Variants in PTPRN2 observed in about 807,000 individuals in gnomAD.
PTPRN2 encodes the protein receptor-type tyrosine-protein phosphatase N2.
In PTPRN2, 74 loss-of-function variants were observed where a neutral mutation model predicts 118.8. The observed-to-expected ratio is 0.62, with a 90% CI of 0.52 to 0.76. The LOEUF (loss-of-function observed/expected upper bound fraction) is 0.76. PTPRN2 is among the 30% of genes least tolerant of loss of function. The pLI is 0.00. For missense variants in PTPRN2, 1,481 were observed against 1,394.4 expected (o/e 1.06, Z -0.99); for synonymous variants, 641 against 608.0 (o/e 1.05, Z -0.80).
intron 12 of PTPRN2, among the ~76,000 whole-genome samples, chr7:157,848,823 G>T (rs532128981): frequency 5.9e-5 from 9 of 152,252 alleles, no homozygotes; most frequent in African/African-American, 2.2e-4. Context: ...CGGCTATAGT[G>T]GTGCAGCCAG....
At chr7:158,535,984 G>A (rs1288563058) in intron 1 of PTPRN2, among the ~76,000 whole-genome samples, 2 of 149,066 alleles carry the variant, frequency 1.3e-5, no homozygotes, top group South Asian at 4.4e-4. Context: ...CATCCAAAAG[G>A]TTGGGACCTT....
chr7:157,752,020 A>T (rs1349798930), intron 12 of PTPRN2, among the ~76,000 whole-genome samples: 1 of 152,102 alleles, frequency 6.6e-6, no homozygotes, highest in African/African-American at 2.4e-5. Context: ...TTGACCCCTG[A>T]GGGTAGATAT....
chr7:158,245,839 C>T (rs140104562), intron 3 of PTPRN2, among the ~76,000 whole-genome samples: 72 of 152,212 alleles, frequency 4.7e-4, no homozygotes, highest in Admixed American at 1.3e-3. Context: ...CCGCCAACCC[C>T]GGTGCCATGG....
intron 15 of PTPRN2, among the ~76,000 whole-genome samples, chr7:157,604,570 G>A (rs1585095752): frequency 1.3e-5 from 2 of 152,136 alleles, no homozygotes; most frequent in South Asian, 2.1e-4. Context: ...AAATATGAAC[G>A]TTAAGCAATC....
rs553034422 is a variant in PTPRN2, at chr7:157,918,680, T to C, written c.1724-19943A>G. On this transcript the variant is annotated intron_variant, in intron 11 of 22. Coordinates refer to ENST00000389418, the MANE Select transcript of PTPRN2 (RefSeq NM_002847.5). ...ACACCAAGAAAATGTGCAATTTGTT[T>C]AAAAGTTATTGATTAAAGTGGAATA... Among the ~76,000 whole-genome samples, 3 of 152,296 alleles carry C rather than the reference T, an allele frequency of 2.0e-5. No homozygotes were observed. In the South Asian group the frequency reaches 6.2e-4, roughly 32 times the overall value.
intron 12 of PTPRN2, among the ~76,000 whole-genome samples, chr7:157,867,939 G>C (rs1248398033): frequency 2.0e-5 from 3 of 152,182 alleles, no homozygotes; most frequent in Non-Finnish European, 2.9e-5. Context: ...CACAAGAGCA[G>C]GACTGGGGGC....
At chr7:158,493,092 C>G (rs1821579784) in intron 1 of PTPRN2, among the ~76,000 whole-genome samples, 1 of 152,204 alleles carries the variant, frequency 6.6e-6, no homozygotes. Context: ...TGTGACATTC[C>G]CCAAATTCTC....
chr7:158,171,250 C>CACACATATATAT (rs1323103420), intron 5 of PTPRN2, among the ~76,000 whole-genome samples: 2,970 of 46,474 alleles, frequency 0.064, 416 homozygotes, highest in Non-Finnish European at 0.081. Context: ...CACATATATA[C>CACACATATATAT]ACACATATAT....
intron 1 of PTPRN2, chr7:158,539,764 C>T (rs892280953): frequency 7.1e-5 from 18 of 252,670 alleles, no homozygotes; most frequent in East Asian, 3.1e-4. Flanking sequence ...TGGAACCGGA[C>T]GGTGCACTGT....
intron 3 of PTPRN2, among the ~76,000 whole-genome samples, chr7:158,305,115 G>T (rs993751926): frequency 6.6e-6 from 1 of 152,172 alleles, no homozygotes; most frequent in African/African-American, 2.4e-5. Flanking sequence ...AGGGAGGAGG[G>T]TAGGATAAGG....
At chr7:158,523,688 TGCCCTGG>T in intron 1 of PTPRN2, among the ~76,000 whole-genome samples, 1 of 143,346 alleles carries the variant, frequency 7.0e-6, no homozygotes, top group African/African-American at 2.6e-5. Context: ...CGGAGTCGTC[TGCCCTGG>T]AGTGGAGTCG....
At chr7:157,805,289 C>CTGTGTGTGTGTGTGTGTG (rs57161533) in intron 12 of PTPRN2, among the ~76,000 whole-genome samples, 3 of 148,690 alleles carry the variant, frequency 2.0e-5, no homozygotes, top group South Asian at 2.2e-4. Flanking sequence ...ATATATACTC[C>CTGTGTGTGTGTGTGTGTG]TGTGTGTGTG....
chr7:157,828,382 G>A (rs189111166), intron 12 of PTPRN2, among the ~76,000 whole-genome samples: 20 of 152,294 alleles, frequency 1.3e-4, no homozygotes, highest in South Asian at 2.1e-4. Context: ...AACAGCGATC[G>A]GATACAAGAC....
intron 5 of PTPRN2, among the ~76,000 whole-genome samples, chr7:158,179,459 A>G (rs1404318506): frequency 6.6e-6 from 1 of 151,866 alleles, no homozygotes; most frequent in African/African-American, 2.4e-5. Flanking sequence ...GTTTTCTGAT[A>G]ATTTCTTTTG....
chr7:158,411,300 C>T (rs1409052844), intron 2 of PTPRN2, among the ~76,000 whole-genome samples: 2 of 152,164 alleles, frequency 1.3e-5, no homozygotes, highest in African/African-American at 2.4e-5. Flanking sequence ...CACAGCTTTC[C>T]GGCCACCTTG....
intron 12 of PTPRN2, among the ~76,000 whole-genome samples, chr7:157,685,431 C>T (rs1211099601): frequency 1.3e-5 from 2 of 152,168 alleles, no homozygotes; most frequent in East Asian, 1.9e-4. Context: ...GGCAGTGGCA[C>T]CCAGGCTGTG....
At chr7:158,394,537 G>C (rs1440746335) in intron 2 of PTPRN2, among the ~76,000 whole-genome samples, 1 of 152,220 alleles carries the variant, frequency 6.6e-6, no homozygotes, top group African/African-American at 2.4e-5. Context: ...GAATGGAGCA[G>C]CCCTGGTTCC....
At chr7:158,442,044 CAG>C (rs1563299617) in intron 2 of PTPRN2, among the ~76,000 whole-genome samples, 1 of 99,232 alleles carries the variant, frequency 1.0e-5, no homozygotes, top group African/African-American at 3.9e-5. Context: ...ATGGTGGTGA[CAG>C]TGGTGGTGAT....
rs1797952425 is a variant in PTPRN2, at chr7:157,540,213, C to T, written c.*501G>A. On this transcript the variant is annotated 3_prime_UTR_variant, in exon 23 of 23. Coordinates refer to ENST00000389418, the MANE Select transcript of PTPRN2 (RefSeq NM_002847.5). ...ACTTGCCCCGAAGCTGCAGGACGTTCAGTTCTGTCCCTGCGGCTTCTCCCA... is the reference window on the plus strand; with the variant it reads ...ACTTGCCCCGAAGCTGCAGGACGTTTAGTTCTGTCCCTGCGGCTTCTCCCA... 6.6e-6 allele frequency: 1 copy of T among 152,584 alleles called. No individual in the cohort carries two copies. Among genetic ancestry groups the T allele is most frequent in the South Asian group, 2.1e-4 (1 of 4,856 alleles). The allele number at this position is 152,584 out of a possible 1,614,324, so 9.5% of individuals were successfully genotyped here.
Sources: gnomAD v4.1 joint callset for allele counts (sites outside exome capture counted in the v4.1 genomes callset) on GRCh38, gnomAD v4.1.1 for gene constraint, MANE v1.5 for transcripts, NCBI Gene and HGNC (gene_info 2026-07-23, HGNC 2026-07-21) for gene names.